Variants in CACNA2D3 observed in about 807,000 individuals in gnomAD.
CACNA2D3 encodes calcium voltage-gated channel auxiliary subunit alpha2delta 3, also known as voltage-dependent calcium channel subunit alpha-2/delta-3.
Under a neutral mutation model 160.6 loss-of-function variants are expected in CACNA2D3, and 60 were observed. That is an observed-to-expected ratio of 0.37 (90% CI 0.30 to 0.46). The LOEUF (loss-of-function observed/expected upper bound fraction) is 0.46, where lower values mean the gene tolerates loss of function less well. Among genes scored for constraint, CACNA2D3 ranks in the 20% least tolerant of loss-of-function variants. The pLI is 1.00. For missense variants in CACNA2D3, 1,205 were observed against 1,365.0 expected (o/e 0.88, Z 1.85); for synonymous variants, 558 against 492.9 (o/e 1.13, Z -1.75).
intron 12 of CACNA2D3, among the ~76,000 whole-genome samples, chr3:54,756,856 T>A: frequency 6.6e-6 from 1 of 152,112 alleles, no homozygotes; most frequent in South Asian, 2.1e-4. Flanking sequence ...CTCTGCCTCC[T>A]CCAGTCTACC....
At chr3:54,709,855 G>T (rs1390580750) in intron 11 of CACNA2D3, among the ~76,000 whole-genome samples, 1 of 152,158 alleles carries the variant, frequency 6.6e-6, no homozygotes, top group Non-Finnish European at 1.5e-5. Flanking sequence ...GATCCTAGGA[G>T]TTTGAGTCTG....
At position 54,273,709 on chromosome 3, in the gene CACNA2D3, C is replaced by T. The variant is rs747514915; in HGVS notation, c.205-46733C>T. Reference sequence around the variant, plus strand: ...CCGACTGGGAAGGGTCTCCATCTGGCGACCGTTCTCGGAGTTTGAGGGATT... The same window carrying T: ...CCGACTGGGAAGGGTCTCCATCTGGTGACCGTTCTCGGAGTTTGAGGGATT... On this transcript the variant is annotated intron_variant, in intron 2 of 37. Coordinates refer to ENST00000474759, the MANE Select transcript of CACNA2D3 (RefSeq NM_018398.3). Among the ~76,000 whole-genome samples, 16 of 152,290 alleles carry T rather than the reference C, an allele frequency of 1.1e-4. No homozygotes were observed. In the East Asian group the frequency reaches 1.2e-3, roughly 11 times the overall value.
chr3:54,693,924 A>G (rs1283569997), intron 11 of CACNA2D3, among the ~76,000 whole-genome samples: 1 of 152,244 alleles, frequency 6.6e-6, no homozygotes, highest in African/African-American at 2.4e-5. Context: ...AGGTTAAAAA[A>G]ATTAAAAGTT....
chr3:55,035,116 C>T (rs966238178), intron 35 of CACNA2D3, among the ~76,000 whole-genome samples: 2 of 152,034 alleles, frequency 1.3e-5, no homozygotes, highest in Admixed American at 6.5e-5. Context: ...AAGAGGCCTC[C>T]GCTTTTATTT....
intron 3 of CACNA2D3, among the ~76,000 whole-genome samples, chr3:54,363,522 A>C: frequency 6.6e-6 from 1 of 152,134 alleles, no homozygotes; most frequent in Non-Finnish European, 1.5e-5. Context: ...TTCATCTTGC[A>C]CATTTTTTCT....
chr3:54,204,213 A>G (rs1249421923), intron 2 of CACNA2D3, among the ~76,000 whole-genome samples: 1 of 152,042 alleles, frequency 6.6e-6, no homozygotes, highest in Non-Finnish European at 1.5e-5. Flanking sequence ...TAGATGGCAG[A>G]TTGTGGGACT....
chr3:54,368,623 A>G (rs1004318923), intron 3 of CACNA2D3, among the ~76,000 whole-genome samples: 1 of 150,490 alleles, frequency 6.6e-6, no homozygotes, highest in Non-Finnish European at 1.5e-5. Context: ...TATAACTGGC[A>G]TATGTAGTGT....
chr3:54,265,547 T>C (rs1256792468), intron 2 of CACNA2D3, among the ~76,000 whole-genome samples: 1 of 129,542 alleles, frequency 7.7e-6, no homozygotes, highest in African/African-American at 3.2e-5. Context: ...TGTGTGTGTG[T>C]GTGTGTGTGT....
At chr3:54,208,130 A>G (rs1399506228) in intron 2 of CACNA2D3, among the ~76,000 whole-genome samples, 1 of 151,844 alleles carries the variant, frequency 6.6e-6, no homozygotes, top group Admixed American at 6.6e-5. Flanking sequence ...TTTGAGATGG[A>G]GTTTTGCTCT....
chr3:54,463,103 C>A (rs1023932160), intron 4 of CACNA2D3, among the ~76,000 whole-genome samples: 5 of 151,688 alleles, frequency 3.3e-5, no homozygotes, highest in African/African-American at 4.8e-5. Context: ...GAATATTGGC[C>A]CCCACTCTCT....
intron 2 of CACNA2D3, among the ~76,000 whole-genome samples, chr3:54,305,735 T>A (rs1703583316): frequency 6.6e-6 from 1 of 152,224 alleles, no homozygotes; most frequent in African/African-American, 2.4e-5. Context: ...CTTGGGAGAA[T>A]TCAGGAGACT....
At chr3:54,879,268 TTTTA>T (rs1300433498) in intron 19 of CACNA2D3, 78 bp from the exon 20 acceptor site, 6 of 1,094,202 alleles carry the variant, frequency 5.5e-6, no homozygotes, top group Middle Eastern at 4.6e-4. Flanking sequence ...GTCCATTTAT[TTTTA>T]TTTATTTCTG....
Position 54,465,786 on chromosome 3 carries a change from A to G in CACNA2D3, c.382-37706A>G, listed in dbSNP as rs188134687. On this transcript the variant is annotated intron_variant, in intron 4 of 37. Coordinates refer to ENST00000474759, the MANE Select transcript of CACNA2D3 (RefSeq NM_018398.3). The stretch of plus-strand genomic sequence containing the variant: ...ACTCGTTAACATTAATAACTGATTC[A>G]TTATTTCCCAATTCTATAAGTCAGA... Among the ~76,000 whole-genome samples the G allele has an allele frequency of 2.0e-4, 30 of 152,300 alleles. No individual in the cohort carries two copies. The East Asian group carries it at 5.6e-3, about 28-fold the overall frequency.
intron 14 of CACNA2D3, among the ~76,000 whole-genome samples, chr3:54,821,951 G>T (rs563991101): frequency 6.6e-6 from 1 of 152,190 alleles, no homozygotes; most frequent in East Asian, 1.9e-4. Context: ...AGAACTGCAG[G>T]TCTAGTGATT....
chr3:54,645,380 C>A (rs559985342), intron 11 of CACNA2D3, among the ~76,000 whole-genome samples: 17 of 152,274 alleles, frequency 1.1e-4, no homozygotes, highest in East Asian at 1.9e-4. Context: ...CAAACCATAT[C>A]GTTATTCTAT....
intron 2 of CACNA2D3, among the ~76,000 whole-genome samples, chr3:54,257,552 G>T (rs972076838): frequency 6.6e-6 from 1 of 151,986 alleles, no homozygotes; most frequent in Non-Finnish European, 1.5e-5. Flanking sequence ...TGCCGTTGTT[G>T]TTTTTTTGTA....
At chr3:54,388,267 G>GAA (rs1699223125) in intron 4 of CACNA2D3, among the ~76,000 whole-genome samples, 1 of 152,212 alleles carries the variant, frequency 6.6e-6, no homozygotes, top group Admixed American at 6.5e-5. Flanking sequence ...TGGTGAGCTG[G>GAA]AAAGGGTGAA....
chr3:54,535,922 G>C (rs144397228), intron 5 of CACNA2D3, among the ~76,000 whole-genome samples: 2 of 152,172 alleles, frequency 1.3e-5, no homozygotes, highest in Non-Finnish European at 2.9e-5. Flanking sequence ...CAGATGAAGT[G>C]GCCACCAGGT....
chr3:54,876,470 A>G (rs1281386080), intron 18 of CACNA2D3, among the ~76,000 whole-genome samples: 3 of 152,222 alleles, frequency 2.0e-5, no homozygotes, highest in Non-Finnish European at 2.9e-5. Context: ...TAGAGCTCGT[A>G]GAAGAGTCTG....
Sources: gnomAD v4.1 joint callset for allele counts (sites outside exome capture counted in the v4.1 genomes callset) on GRCh38, gnomAD v4.1.1 for gene constraint, MANE v1.5 for transcripts, NCBI Gene and HGNC (gene_info 2026-07-23, HGNC 2026-07-21) for gene names.